NKAIN3: variants seen among roughly 807,000 people sequenced by gnomAD.
NKAIN3 encodes the protein sodium/potassium transporting ATPase interacting 3, also known as sodium/potassium-transporting ATPase subunit beta-1-interacting protein 3.
Under a neutral mutation model 30.2 loss-of-function variants are expected in NKAIN3, and 25 were observed. That is an observed-to-expected ratio of 0.83 (90% CI 0.60 to 1.16). The LOEUF is 1.16. Among genes scored for constraint, NKAIN3 ranks in the 50% most tolerant of loss-of-function variants. The pLI is 0.00. For missense variants in NKAIN3, 225 were observed against 254.1 expected, an observed-to-expected ratio of 0.89 and a Z score of 0.78; for synonymous variants, 91 against 89.6, an observed-to-expected ratio of 1.02 and a Z score of -0.09.
intron 5 of NKAIN3, among the ~76,000 whole-genome samples, chr8:62,997,787 C>A (rs1307904697): frequency 3.4e-5 from 5 of 149,060 alleles, no homozygotes; most frequent in African/African-American, 1.2e-4. Flanking sequence ...GGAGGAGGAA[C>A]AATGTATGGT....
At chr8:62,691,129 G>A (rs1280844163) in intron 3 of NKAIN3, among the ~76,000 whole-genome samples, 1 of 152,156 alleles carries the variant, frequency 6.6e-6, no homozygotes, top group Non-Finnish European at 1.5e-5. Flanking sequence ...ACGTAGTTCA[G>A]TGTTTGTCTT....
intron 4 of NKAIN3, among the ~76,000 whole-genome samples, chr8:62,864,468 C>A (rs1820359782): frequency 6.6e-6 from 1 of 152,144 alleles, no homozygotes; most frequent in Non-Finnish European, 1.5e-5. Flanking sequence ...ATGAAGAAGA[C>A]CGCCCAAATA....
At chr8:62,874,580 A>G (rs1294260034) in intron 4 of NKAIN3, among the ~76,000 whole-genome samples, 1 of 152,232 alleles carries the variant, frequency 6.6e-6, no homozygotes, top group African/African-American at 2.4e-5. Context: ...AAATACTGGC[A>G]AACTGAATCC....
intron 4 of NKAIN3, among the ~76,000 whole-genome samples, chr8:62,779,362 G>A (rs1239647531): frequency 6.6e-6 from 1 of 152,096 alleles, no homozygotes. Flanking sequence ...TCAATGGCAA[G>A]GCTTGCCAGA....
At chr8:62,399,105 A>C (rs375695686) in intron 1 of NKAIN3, among the ~76,000 whole-genome samples, 273 of 152,270 alleles carry the variant, frequency 1.8e-3, no homozygotes, top group African/African-American at 6.4e-3. Flanking sequence ...AACAAACAAA[A>C]AAAAATTGTC....
intron 1 of NKAIN3, among the ~76,000 whole-genome samples, chr8:62,578,363 T>C (rs749991802): frequency 6.6e-6 from 1 of 152,178 alleles, no homozygotes; most frequent in Non-Finnish European, 1.5e-5. Context: ...CTCTGGCATG[T>C]CTAAAATTGT....
chr8:62,585,142 T>G (rs1233548964), intron 2 of NKAIN3, among the ~76,000 whole-genome samples: 1 of 152,208 alleles, frequency 6.6e-6, no homozygotes, highest in East Asian at 1.9e-4. Context: ...ATTAATTATA[T>G]GATAAAATAG....
intron 1 of NKAIN3, among the ~76,000 whole-genome samples, chr8:62,387,242 G>A (rs1475503347): frequency 6.6e-6 from 1 of 151,924 alleles, no homozygotes; most frequent in Non-Finnish European, 1.5e-5. Context: ...ATGGGAGCGT[G>A]GGCCACATGG....
At chr8:62,284,370 C>G (rs1394878472) in intron 1 of NKAIN3, among the ~76,000 whole-genome samples, 2 of 152,008 alleles carry the variant, frequency 1.3e-5, no homozygotes, top group African/African-American at 2.4e-5. Flanking sequence ...TGGCTTACGT[C>G]TGTAATCCCA....
intron 1 of NKAIN3, among the ~76,000 whole-genome samples, chr8:62,421,214 C>CT (rs1804628652): frequency 6.6e-6 from 1 of 152,112 alleles, no homozygotes; most frequent in Non-Finnish European, 1.5e-5. Context: ...TCTCCTGTGC[C>CT]CGTTGGTACT....
rs146766443 is a variant in NKAIN3 at position 62,846,473 on chromosome 8, C to T, written c.472-71980C>T. 2.6e-3 allele frequency among the ~76,000 whole-genome samples: 392 copies of T among 152,134 alleles called. 2 individuals are homozygous for T. The highest frequency in any genetic ancestry group is 6.8e-3 in the Admixed American group (104 of 15,234). ...ATTAGCTATTCTTCCTGATGTTCTC[C>T]TTCCTCTCATCCCCCACCCTCCAAC... On this transcript the variant is annotated intron_variant, in intron 4 of 6. Coordinates refer to ENST00000623646, the MANE Select transcript of NKAIN3 (RefSeq NM_001304533.3).
intron 1 of NKAIN3, among the ~76,000 whole-genome samples, chr8:62,488,817 G>A (rs1311168439): frequency 6.6e-6 from 1 of 152,136 alleles, no homozygotes. Flanking sequence ...GTGTAGGGCT[G>A]TATTAATCAG....
At chr8:62,305,898 T>C (rs781299139) in intron 1 of NKAIN3, among the ~76,000 whole-genome samples, 3 of 150,430 alleles carry the variant, frequency 2.0e-5, no homozygotes, top group Non-Finnish European at 2.9e-5. Context: ...TGTTCAATGT[T>C]CCAAGCCATT....
chr8:62,400,613 C>CT (rs968122161), intron 1 of NKAIN3, among the ~76,000 whole-genome samples: 5 of 151,678 alleles, frequency 3.3e-5, no homozygotes, highest in South Asian at 2.1e-4. Flanking sequence ...AATCCCTCAG[C>CT]TTTTTTTTGT....
chr8:62,360,423 G>C lies in NKAIN3; in HGVS notation c.54+111296G>C, dbSNP rs556949420. On this transcript the variant is annotated intron_variant, in intron 1 of 6. Coordinates refer to ENST00000623646, the MANE Select transcript of NKAIN3 (RefSeq NM_001304533.3). ...GTTGATAAATCTCATGGTGATTCTGGACAAGCAAGGATCTTCACTGTCCTC... is the reference window on the plus strand; with the variant it reads ...GTTGATAAATCTCATGGTGATTCTGCACAAGCAAGGATCTTCACTGTCCTC... 2.0e-5 allele frequency among the ~76,000 whole-genome samples: 3 copies of C among 152,306 alleles called. No individual in the cohort carries two copies. In the East Asian group the frequency reaches 5.8e-4, roughly 29 times the overall value.
chr8:62,344,199 T>G (rs1049161053), intron 1 of NKAIN3, among the ~76,000 whole-genome samples: 13 of 152,154 alleles, frequency 8.5e-5, no homozygotes, highest in African/African-American at 3.1e-4. Context: ...AGAAATCACT[T>G]CTTTAAAATA....
chr8:62,288,180 G>T (rs529119912), intron 1 of NKAIN3, among the ~76,000 whole-genome samples: 2 of 152,086 alleles, frequency 1.3e-5, no homozygotes, highest in Non-Finnish European at 2.9e-5. Context: ...GTGTTGGACT[G>T]TGGGCTTCGT....
chr8:62,817,096 A>T (rs147387666), intron 4 of NKAIN3, among the ~76,000 whole-genome samples: 16 of 152,180 alleles, frequency 1.1e-4, no homozygotes, highest in African/African-American at 3.6e-4. Context: ...TGTGCCTCAG[A>T]GGGTCTTTGT....
At chr8:62,398,622 T>C (rs1817840553) in intron 1 of NKAIN3, among the ~76,000 whole-genome samples, 1 of 152,334 alleles carries the variant, frequency 6.6e-6, no homozygotes, top group Admixed American at 6.5e-5. Context: ...AATAGGGAGA[T>C]TATTCACATA....
Sources: gnomAD v4.1 joint callset for allele counts (sites outside exome capture counted in the v4.1 genomes callset) on GRCh38, gnomAD v4.1.1 for gene constraint, MANE v1.5 for transcripts, NCBI Gene and HGNC (gene_info 2026-07-23, HGNC 2026-07-21) for gene names.